CCDC134: variants seen among roughly 807,000 people sequenced by gnomAD.
The protein encoded by CCDC134 is coiled-coil domain-containing protein 134.
In CCDC134, 27 loss-of-function variants were observed where a neutral mutation model predicts 25.6. That is an observed-to-expected ratio of 1.05 (90% CI 0.78 to 1.45). The LOEUF (loss-of-function observed/expected upper bound fraction) is 1.45. Among genes scored for constraint, CCDC134 ranks in the 40% most tolerant of loss-of-function variants. The probability of loss-of-function intolerance (pLI) is 0.00; values close to 1 mark genes in which losing one functional copy is unlikely to be tolerated. For synonymous variants in CCDC134, 110 were observed against 115.0 expected, an observed-to-expected ratio of 0.96 and a Z score of 0.28; for missense variants, 261 against 286.7, an observed-to-expected ratio of 0.91 and a Z score of 0.65.
chr22:41,817,588 C>T (rs933050648), intron 6 of CCDC134, among the ~76,000 whole-genome samples: 7 of 151,882 alleles, frequency 4.6e-5, no homozygotes, highest in African/African-American at 1.2e-4. Context: ...AAAAATTAGC[C>T]GGGCGAGGTG....
intron 6 of CCDC134, among the ~76,000 whole-genome samples, chr22:41,820,001 T>TAA (rs2076642908): frequency 1.0e-5 from 1 of 96,078 alleles, no homozygotes; most frequent in Non-Finnish European, 2.0e-5. Flanking sequence ...ATATATATAA[T>TAA]TTTTTTTTTT....
Position 41,801,405 on chromosome 22 carries a change from G to C in CCDC134, c.-17+639G>C, listed in dbSNP as rs1482718093. Among the ~76,000 whole-genome samples, 6 of 152,270 alleles carry C rather than the reference G, an allele frequency of 3.9e-5. No individual in the cohort carries two copies. The East Asian group carries it at 1.2e-3, about 29-fold the overall frequency. The stretch of plus-strand genomic sequence containing the variant: ...AGGTGTCCTGGTAGTTCAGTAGCCA[G>C]CTCTGATCTCAGGTAGCCTGTGCTC... On this transcript the variant is annotated intron_variant, in intron 1 of 6. Transcript: ENST00000255784.
At position 41,808,961 on chromosome 22, in the gene CCDC134, T is replaced by A. The variant is rs368197925; in HGVS notation, c.71T>A (p.Leu24Ter). The change falls in exon 2 of 7, where the codon TTG becomes TAG. Residue 24 changes from leucine (L) to a stop codon, truncating the protein, a stop_gained. Transcript: ENST00000255784. LOFTEE classifies it high-confidence loss of function. ...TCTGGGATGGGAGCCACAGGCACCT[T>A]GAGGACCTCCCTGGACCCAAGCCTG... The part of the protein sequence containing the change: ...LLSGMGATGT[L>*]RTSLDPSLEI... The A allele has an allele frequency of 8.7e-6, 14 of 1,614,040 alleles. No individual in the cohort carries two copies. The highest frequency in any genetic ancestry group is 1.1e-5 in the Non-Finnish European group (13 of 1,180,022).
intron 5 of CCDC134, 52 bp from the exon 6 acceptor site, chr22:41,813,699 T>C: frequency 1.9e-6 from 3 of 1,555,988 alleles, no homozygotes; most frequent in Non-Finnish European, 2.7e-6. Context: ...GACTCTCTGG[T>C]GAGCAGGACT....
intron 1 of CCDC134, among the ~76,000 whole-genome samples, chr22:41,805,202 A>G (rs781712871): frequency 1.4e-4 from 22 of 152,224 alleles, no homozygotes; most frequent in Non-Finnish European, 3.1e-4. Flanking sequence ...AGGCCATGGC[A>G]GCCTGATCAC....
At chr22:41,820,315 T>G (rs1487519574) in intron 6 of CCDC134, among the ~76,000 whole-genome samples, 1 of 151,752 alleles carries the variant, frequency 6.6e-6, no homozygotes, top group Middle Eastern at 3.2e-3. Context: ...ATATATATTT[T>G]TAAGACAGAT....
chr22:41,805,743 A>G (rs2076564689), intron 1 of CCDC134, among the ~76,000 whole-genome samples: 1 of 152,166 alleles, frequency 6.6e-6, no homozygotes, highest in Admixed American at 6.6e-5. Context: ...CAGCCTAGGC[A>G]ATATAGCAAG....
chr22:41,813,825 G>A lies in CCDC134; in HGVS notation c.564+3G>A. ...CATTTAAAATCGACCGCACAGAGGT[G>A]AGCTGCCAGGGCCTATGCCTGTGTC... On this transcript the variant is annotated splice_donor_region_variant and intron_variant, in intron 6 of 6. Coordinates refer to ENST00000255784, the MANE Select transcript of CCDC134 (RefSeq NM_024821.5). 1 of 1,613,906 alleles carries A rather than the reference G, an allele frequency of 6.2e-7. No homozygotes were observed.
At position 41,831,716 on chromosome 22, in the gene CCDC134, T is replaced by C. The variant is rs1233332374; in HGVS notation, c.*5893T>C. ...CAGCACAAGTCAGGGCCCTTGTTAG[T>C]TTCATCACATCCATTACCTTTCCTT... is the stretch of plus-strand genomic sequence containing the variant. On this transcript the variant is annotated 3_prime_UTR_variant, in exon 7 of 7. Coordinates refer to ENST00000255784, the MANE Select transcript of CCDC134 (RefSeq NM_024821.5). The C allele has an allele frequency of 1.3e-5, 2 of 152,254 alleles. No individual in the cohort carries two copies. Among genetic ancestry groups the C allele is most frequent in the Non-Finnish European group, 2.9e-5 (2 of 68,044 alleles). The allele number at this position is 152,254 out of a possible 1,614,324, so 9.4% of individuals were successfully genotyped here.
At chr22:41,817,069 TTA>T (rs1462445656) in intron 6 of CCDC134, among the ~76,000 whole-genome samples, 1 of 152,206 alleles carries the variant, frequency 6.6e-6, no homozygotes, top group Non-Finnish European at 1.5e-5. Flanking sequence ...TAGAGACCTG[TTA>T]TATCTCTTCT....
At chr22:41,818,575 A>G (rs1487863601) in intron 6 of CCDC134, among the ~76,000 whole-genome samples, 2 of 152,326 alleles carry the variant, frequency 1.3e-5, no homozygotes, top group South Asian at 2.1e-4. Flanking sequence ...GCTGAATTAC[A>G]GTGGGCTAGG....
chr22:41,820,331 C>T (rs2076645411), intron 6 of CCDC134, among the ~76,000 whole-genome samples: 1 of 151,860 alleles, frequency 6.6e-6, no homozygotes, highest in Non-Finnish European at 1.5e-5. Flanking sequence ...CAGATTTTTG[C>T]TCTTGTTGCC....
chr22:41,803,903 G>C (rs1178901123), intron 1 of CCDC134, among the ~76,000 whole-genome samples: 1 of 152,084 alleles, frequency 6.6e-6, no homozygotes, highest in African/African-American at 2.4e-5. Flanking sequence ...AGGCTGAGAC[G>C]GGCGGATCAC....
chr22:41,820,557 A>G (rs753406882), intron 6 of CCDC134, among the ~76,000 whole-genome samples: 3 of 152,224 alleles, frequency 2.0e-5, no homozygotes, highest in Non-Finnish European at 2.9e-5. Flanking sequence ...GGCAGTTGAT[A>G]GTGGCTTGAA....
intron 3 of CCDC134, 97 bp downstream of exon 3, chr22:41,810,097 C>T (rs1397492674): frequency 6.3e-7 from 1 of 1,593,230 alleles, no homozygotes; most frequent in African/African-American, 1.3e-5. Flanking sequence ...TGTTCAGGGA[C>T]AGGGGAACTG....
intron 6 of CCDC134, among the ~76,000 whole-genome samples, chr22:41,824,414 TGAGAGTCATG>T (rs142346681): frequency 0.051 from 7,708 of 152,118 alleles, 611 homozygotes; most frequent in African/African-American, 0.18. Context: ...AACTTTGTCT[TGAGAGTCATG>T]GAGAGCCATG....
intron 6 of CCDC134, among the ~76,000 whole-genome samples, chr22:41,823,341 C>T (rs1239049013): frequency 6.6e-6 from 1 of 151,128 alleles, no homozygotes; most frequent in Non-Finnish European, 1.5e-5. Flanking sequence ...TCTCCTGTCT[C>T]AGCCTCCAAA....
chr22:41,809,763 G>T, intron 2 of CCDC134, 116 bp from the exon 3 acceptor site: 1 of 1,350,754 alleles, frequency 7.4e-7, no homozygotes, highest in Non-Finnish European at 1.0e-6. Context: ...TTCTAGCCCT[G>T]GGTGTCCATG....
intron 1 of CCDC134, among the ~76,000 whole-genome samples, chr22:41,802,642 C>T (rs1382408116): frequency 2.6e-5 from 4 of 152,200 alleles, no homozygotes; most frequent in South Asian, 4.2e-4. Flanking sequence ...CATCCGGGCG[C>T]GGTGGCTCAC....
Sources: allele counts gnomAD v4.1 joint callset (sites outside exome capture counted in the v4.1 genomes callset), GRCh38; gene constraint gnomAD v4.1.1; transcripts MANE v1.5; gene names NCBI Gene and HGNC (gene_info 2026-07-23, HGNC 2026-07-21).